The following POLR1A variants were observed in gnomAD, a reference collection of about 807,000 sequenced individuals.
The protein encoded by POLR1A is RNA polymerase I subunit A.
POLR1A carries 84 observed loss-of-function variants against 205.3 expected under a neutral mutation model. The observed-to-expected ratio is 0.41, with a 90% CI of 0.34 to 0.49. POLR1A has a LOEUF of 0.49. POLR1A is among the 20% of genes least tolerant of loss of function. The pLI is 0.22. For synonymous variants in POLR1A, 799 were observed against 863.7 expected (o/e 0.93, Z 1.31); for missense variants, 1,645 against 2,204.5 (o/e 0.75, Z 5.08).
intron 16 of POLR1A, among the ~76,000 whole-genome samples, chr2:86,051,606 G>A (rs988770593): frequency 3.9e-5 from 6 of 152,208 alleles, no homozygotes; most frequent in Non-Finnish European, 8.8e-5. Context: ...TGCCTGACAC[G>A]CAGCATCTCG....
At position 86,083,178 on chromosome 2, in the gene POLR1A, A is replaced by T. The variant is rs374454351; in HGVS notation, c.731-10T>A. The T allele has an allele frequency of 1.1e-4, 170 of 1,600,062 alleles. No homozygotes were observed. The highest frequency in any genetic ancestry group is 1.3e-4 in the Non-Finnish European group (155 of 1,167,354). On this transcript the variant is annotated splice_polypyrimidine_tract_variant and intron_variant, in intron 6 of 33. Coordinates refer to ENST00000263857, the MANE Select transcript of POLR1A (RefSeq NM_015425.6). ...TGAGCTTCCTCAATTCCTGGAGCCA[A>T]GGAGGAGAATCAAAGTGCAATAAAT...
At chr2:86,094,103 C>A (rs1237403687) in intron 3 of POLR1A, among the ~76,000 whole-genome samples, 4 of 152,182 alleles carry the variant, frequency 2.6e-5, no homozygotes, top group African/African-American at 4.8e-5. Context: ...TCACTTTGAT[C>A]ACTTGAATAA....
rs755649449 is a variant in POLR1A at position 86,052,801 on chromosome 2, C to T, written c.2392+16G>A. 2.0e-6 allele frequency: 3 copies of T among 1,484,634 alleles called. No individual in the cohort carries two copies. The highest frequency in any genetic ancestry group is 1.3e-5 in the South Asian group (1 of 74,464). 92.0% of individuals were successfully genotyped at this position (1,484,634 alleles called of 1,614,324 possible). On this transcript the variant is annotated intron_variant, in intron 16 of 33. Coordinates refer to ENST00000263857, the MANE Select transcript of POLR1A (RefSeq NM_015425.6). ...CTGACGGGTCACTGCCCCAGGGCAG[C>T]GAGCCCGGCACTTACCCAAGGTGAA... is the stretch of plus-strand genomic sequence containing the variant.
At chr2:86,076,315 T>C (rs1201349485) in intron 11 of POLR1A, among the ~76,000 whole-genome samples, 3 of 152,234 alleles carry the variant, frequency 2.0e-5, no homozygotes, top group Non-Finnish European at 4.4e-5. Context: ...CCCCAGCCTC[T>C]GCGTTCCTCA....
chr2:86,046,655 C>A (rs1163413895), intron 19 of POLR1A, among the ~76,000 whole-genome samples: 1 of 152,034 alleles, frequency 6.6e-6, no homozygotes, highest in African/African-American at 2.4e-5. Flanking sequence ...AGCATCCTGG[C>A]CAACATGGTG....
chr2:86,057,624 A>C (rs1004876797), intron 14 of POLR1A, among the ~76,000 whole-genome samples: 1 of 152,242 alleles, frequency 6.6e-6, no homozygotes, highest in Non-Finnish European at 1.5e-5. Context: ...ATTCATCCAT[A>C]AAGAGGAATA....
rs771443801 is a variant in POLR1A, at chr2:86,038,792, C to T, written c.3942G>A (p.Val1314=). 1.9e-6 allele frequency: 3 copies of T among 1,613,956 alleles called. No homozygotes were observed. Among genetic ancestry groups the T allele is most frequent in the Non-Finnish European group, 2.5e-6 (3 of 1,179,864 alleles). Residue 1314 remains valine, a synonymous_variant, in exon 27 of 34, where the codon GTG becomes GTA. Coordinates refer to ENST00000263857, the MANE Select transcript of POLR1A (RefSeq NM_015425.6). ...GCAGGAACTGAAACCGCAGCTGGTA[C>T]ACCTGGAATTTGTTCTGTTTTTCTT... is the stretch of plus-strand genomic sequence containing the variant. ...CMEEKQNKFQ[V]YQLRFQFLPH...
At chr2:86,039,912 T>C (rs1421189688) in intron 25 of POLR1A, 2 of 199,962 alleles carry the variant, frequency 1.0e-5, no homozygotes, top group African/African-American at 4.7e-5. Context: ...TCCAGAGTCT[T>C]TCTGCTAGAA....
At chr2:86,045,500 C>A in intron 20 of POLR1A, 117 bp downstream of exon 20, 1 of 1,313,238 alleles carries the variant, frequency 7.6e-7, no homozygotes. Context: ...TTTTTGACCT[C>A]GACAGCTACA....
rs2104379442 is a variant in POLR1A, at chr2:86,030,414, G to A, written c.4579-18C>T. On this transcript the variant is annotated intron_variant, in intron 30 of 33. Coordinates refer to ENST00000263857, the MANE Select transcript of POLR1A (RefSeq NM_015425.6). Reference sequence around the variant, plus strand: ...ACTGTCACCTGCAAAAGGAGGGAGAGCTGGGTAGGGTGACAGCTACTCCAG... The same window carrying A: ...ACTGTCACCTGCAAAAGGAGGGAGAACTGGGTAGGGTGACAGCTACTCCAG... 1 of 1,587,074 alleles carries A rather than the reference G, an allele frequency of 6.3e-7. No homozygotes were observed. The highest frequency in any genetic ancestry group is 8.7e-7 in the Non-Finnish European group (1 of 1,156,028).
intron 12 of POLR1A, 85 bp downstream of exon 12, chr2:86,074,945 C>G (rs1673252512): frequency 1.1e-6 from 1 of 933,754 alleles, no homozygotes; most frequent in African/African-American, 1.6e-5. Flanking sequence ...TGTCAGTGCG[C>G]ACCGGAGCCA....
chr2:86,034,631 C>T (rs936163609), intron 27 of POLR1A, among the ~76,000 whole-genome samples: 3 of 152,134 alleles, frequency 2.0e-5, no homozygotes, highest in African/African-American at 4.8e-5. Flanking sequence ...CCAAAAAGGG[C>T]TGCTTGTGAC....
intron 27 of POLR1A, among the ~76,000 whole-genome samples, chr2:86,038,335 C>T (rs1278656907): frequency 6.6e-6 from 1 of 152,218 alleles, no homozygotes; most frequent in African/African-American, 2.4e-5. Flanking sequence ...CAAACATTAA[C>T]AGCATGTGCT....
At chr2:86,103,340 G>T (rs1673856937) in intron 1 of POLR1A, among the ~76,000 whole-genome samples, 1 of 152,140 alleles carries the variant, frequency 6.6e-6, no homozygotes, top group South Asian at 2.1e-4. Flanking sequence ...TCTGGATGCA[G>T]CAAGGAGGTC....
chr2:86,057,265 G>C (rs1296602008), intron 14 of POLR1A, among the ~76,000 whole-genome samples: 2 of 152,018 alleles, frequency 1.3e-5, no homozygotes, highest in Admixed American at 1.3e-4. Context: ...AGTAGAAATA[G>C]AACTAGAATT....
chr2:86,096,278 G>C (rs966746738), intron 3 of POLR1A, among the ~76,000 whole-genome samples: 1 of 152,088 alleles, frequency 6.6e-6, no homozygotes, highest in Non-Finnish European at 1.5e-5. Flanking sequence ...AGAAACTGGA[G>C]AGGATACAAA....
In POLR1A at chr2:86,078,224, G is replaced by C. The variant is rs1219371832; in HGVS notation, c.1147C>G (p.Leu383Val). 5 of 1,612,236 alleles carry C rather than the reference G, an allele frequency of 3.1e-6. No homozygotes were observed. Among genetic ancestry groups the C allele is most frequent in the Non-Finnish European group, 8.5e-7 (1 of 1,179,646 alleles). The change falls in exon 10 of 34, where the codon CTC becomes GTC. Residue 383 changes from leucine (L) to valine (V), a missense_variant. Around this residue, in one of 16 missense-constraint regions of POLR1A, gnomAD observed 78 missense variants for 77.7 expected, o/e 1.00. Coordinates refer to ENST00000263857, the MANE Select transcript of POLR1A (RefSeq NM_015425.6). ...CAAATGTTGTAAAGTTTGTCTATGA[G>C]GGACTGGCCTGGAAGTGTACTCAAA... ...SFLSTLPGQS[L>V]IDKLYNIWIR...
At chr2:86,029,958 T>G (rs1164165578) in intron 31 of POLR1A, among the ~76,000 whole-genome samples, 1 of 152,166 alleles carries the variant, frequency 6.6e-6, no homozygotes, top group African/African-American at 2.4e-5. Context: ...GACTCTGGGT[T>G]GGATAAGTTC....
intron 16 of POLR1A, among the ~76,000 whole-genome samples, chr2:86,050,299 G>A (rs1051281845): frequency 6.6e-5 from 10 of 152,220 alleles, no homozygotes; most frequent in Non-Finnish European, 7.3e-5. Context: ...GAAAACAGCA[G>A]GTGTACTGTT....
Sources: allele counts gnomAD v4.1 joint callset (sites outside exome capture counted in the v4.1 genomes callset), GRCh38; gene constraint gnomAD v4.1.1; regional missense constraint gnomAD v4.1.1; transcripts MANE v1.5; gene names NCBI Gene and HGNC (gene_info 2026-07-23, HGNC 2026-07-21).